Variants in SIAH1 observed in about 807,000 individuals in gnomAD.
The protein encoded by SIAH1 is E3 ubiquitin-protein ligase SIAH1.
Under a neutral mutation model 20.0 loss-of-function variants are expected in SIAH1, and 2 were observed. That is an observed-to-expected ratio of 0.10 (90% CI 0.04 to 0.31). SIAH1 has a LOEUF of 0.31. SIAH1 is among the 10% of genes least tolerant of loss of function. The pLI, the probability that SIAH1 is intolerant of heterozygous loss-of-function variation, is 1.00. For missense variants in SIAH1, 119 were observed against 355.3 expected (o/e 0.33, Z 5.35); for synonymous variants, 118 against 125.3 (o/e 0.94, Z 0.39).
intron 1 of SIAH1, among the ~76,000 whole-genome samples, chr16:48,380,561 T>C (rs1204847436): frequency 6.6e-6 from 1 of 151,630 alleles, no homozygotes; most frequent in Admixed American, 6.6e-5. Context: ...GATATACAGA[T>C]AACAACTAGC....
At chr16:48,382,392 A>G (rs754104281) in intron 1 of SIAH1, among the ~76,000 whole-genome samples, 3 of 152,106 alleles carry the variant, frequency 2.0e-5, no homozygotes, top group Non-Finnish European at 4.4e-5. Flanking sequence ...AAAAAAAAAT[A>G]AAAATAAAAA....
At position 48,360,637 on chromosome 16, in the gene SIAH1, T is replaced by C. The variant is rs1461131569; in HGVS notation, c.*943A>G. 1 of 152,688 alleles carries C rather than the reference T, an allele frequency of 6.5e-6. No individual in the cohort carries two copies. Among genetic ancestry groups the C allele is most frequent in the Non-Finnish European group, 1.5e-5 (1 of 68,044 alleles). 9.5% of individuals were successfully genotyped at this position (152,688 alleles called of 1,614,324 possible). A position where few individuals can be genotyped will look rare whatever the true frequency, so the allele number is the denominator to read the frequency against. On this transcript the variant is annotated 3_prime_UTR_variant, in exon 2 of 2. Transcript: ENST00000394725. ...ATGATTTGCTTTTAATTACAAATAC[T>C]GTGCATGACGATGCCTTCTTCTGCA...
chr16:48,372,216 T>C (rs1342316070), intron 1 of SIAH1, among the ~76,000 whole-genome samples: 5 of 152,206 alleles, frequency 3.3e-5, no homozygotes, highest in Non-Finnish European at 5.9e-5. Flanking sequence ...ATGGAATTTA[T>C]AGGAAAGAAA....
At chr16:48,364,240 A>G (rs1275364756) in intron 1 of SIAH1, among the ~76,000 whole-genome samples, 1 of 152,080 alleles carries the variant, frequency 6.6e-6, no homozygotes, top group Non-Finnish European at 1.5e-5. Context: ...GCGCCCGGCC[A>G]CTAATCCATA....
intron 1 of SIAH1, among the ~76,000 whole-genome samples, chr16:48,378,857 A>C (rs1961179936): frequency 6.6e-6 from 1 of 151,654 alleles, no homozygotes; most frequent in Non-Finnish European, 1.5e-5. Flanking sequence ...TCTAAGATGT[A>C]CTCCTTCCCC....
chr16:48,378,022 A>T (rs1484860568), intron 1 of SIAH1, among the ~76,000 whole-genome samples: 2 of 152,212 alleles, frequency 1.3e-5, no homozygotes, highest in Non-Finnish European at 2.9e-5. Context: ...ATCACACAAA[A>T]AAACATAATG....
chr16:48,372,643 A>C (rs775024505), intron 1 of SIAH1, among the ~76,000 whole-genome samples: 6 of 152,234 alleles, frequency 3.9e-5, no homozygotes, highest in Non-Finnish European at 8.8e-5. Flanking sequence ...ATTTGTGTGA[A>C]GCAAAGCCTA....
intron 1 of SIAH1, chr16:48,365,560 A>G (rs1323006139): frequency 2.6e-6 from 4 of 1,537,224 alleles, no homozygotes; most frequent in Non-Finnish European, 3.5e-6. Context: ...CTAAGCACAG[A>G]AGACCCAAAT....
chr16:48,363,523 T>A (rs1037754552), intron 1 of SIAH1: 1 of 167,030 alleles, frequency 6.0e-6, no homozygotes, highest in Non-Finnish European at 1.5e-5. Context: ...AGAAAGTATA[T>A]CTTTCTGTTC....
intron 1 of SIAH1, among the ~76,000 whole-genome samples, chr16:48,369,449 T>C (rs1960927902): frequency 6.6e-6 from 1 of 152,140 alleles, no homozygotes; most frequent in Non-Finnish European, 1.5e-5. Flanking sequence ...AGCTAAACAT[T>C]AGATATACAT....
At chr16:48,375,998 TACAGTAC>T (rs2151052334) in intron 1 of SIAH1, among the ~76,000 whole-genome samples, 1 of 152,262 alleles carries the variant, frequency 6.6e-6, no homozygotes, top group Non-Finnish European at 1.5e-5. Context: ...CGTTTGAAAT[TACAGTAC>T]ACAGTTCAAA....
In SIAH1 at chr16:48,365,335, A is replaced by G; in HGVS notation, c.-2-2905T>C. 1.9e-6 allele frequency: 3 copies of G among 1,602,998 alleles called. No homozygotes were observed. The Admixed American group carries it at 5.1e-5, about 27-fold the overall frequency. ...CTAAGCCAGGCAGGTTCCACTGACTAATAGCGTTCAAGTTTCACAGCCTCA... is the reference window on the plus strand; with the variant it reads ...CTAAGCCAGGCAGGTTCCACTGACTGATAGCGTTCAAGTTTCACAGCCTCA... On this transcript the variant is annotated intron_variant, in intron 1 of 1. Transcript: ENST00000394725.
At position 48,361,405 on chromosome 16, in the gene SIAH1, T is replaced by C; in HGVS notation, c.*175A>G. ...TTTACTGTTGACTTATTTTTAAATA[T>C]ATTAGTGTTACTACATGCAACTGTT... On this transcript the variant is annotated 3_prime_UTR_variant, in exon 2 of 2. Coordinates refer to ENST00000394725, the MANE Select transcript of SIAH1 (RefSeq NM_003031.4). The C allele has an allele frequency of 1.6e-6, 1 of 607,854 alleles. No individual in the cohort carries two copies. The highest frequency in any genetic ancestry group is 2.9e-6 in the Non-Finnish European group (1 of 347,632). 37.7% of individuals were successfully genotyped at this position (607,854 alleles called of 1,614,324 possible). A position where few individuals can be genotyped will look rare whatever the true frequency, so the allele number is the denominator to read the frequency against.
chr16:48,370,505 T>C (rs1424067636), intron 1 of SIAH1, among the ~76,000 whole-genome samples: 1 of 152,128 alleles, frequency 6.6e-6, no homozygotes. Context: ...AGTTAGACAT[T>C]TATCCCCACC....
Position 48,361,540 on chromosome 16 carries a change from G to T in SIAH1, c.*40C>A. 1 of 1,594,772 alleles carries T rather than the reference G, an allele frequency of 6.3e-7. No individual in the cohort carries two copies. Among genetic ancestry groups the T allele is most frequent in the Non-Finnish European group, 8.6e-7 (1 of 1,169,574 alleles). ...TGGGTGCCTTATTTTCTGTGAAACTGAAGTTTTAAACACTGGCCAGAAAAT... is the reference window on the plus strand; with the variant it reads ...TGGGTGCCTTATTTTCTGTGAAACTTAAGTTTTAAACACTGGCCAGAAAAT... On this transcript the variant is annotated 3_prime_UTR_variant, in exon 2 of 2. Transcript: ENST00000394725.
intron 1 of SIAH1, among the ~76,000 whole-genome samples, chr16:48,374,681 ATG>A (rs1301707300): frequency 1.3e-5 from 2 of 152,200 alleles, no homozygotes; most frequent in Non-Finnish European, 2.9e-5. Context: ...GCGGCAAGGA[ATG>A]TGAGGTAGCA....
chr16:48,372,628 A>ATT (rs1961013348), intron 1 of SIAH1, among the ~76,000 whole-genome samples: 1 of 152,210 alleles, frequency 6.6e-6, no homozygotes, highest in Non-Finnish European at 1.5e-5. Flanking sequence ...TAACATAAAT[A>ATT]ATTCATTTGT....
Position 48,361,280 on chromosome 16 carries a change from A to G in SIAH1, c.*300T>C, listed in dbSNP as rs1960580412. On this transcript the variant is annotated 3_prime_UTR_variant, in exon 2 of 2. Coordinates refer to ENST00000394725, the MANE Select transcript of SIAH1 (RefSeq NM_003031.4). Reference sequence around the variant, plus strand: ...ACAAACTTTTTCAACAATACAATCAATCTACAACAAACACAAAACTCAGAA... The same window carrying G: ...ACAAACTTTTTCAACAATACAATCAGTCTACAACAAACACAAAACTCAGAA... 2 of 316,058 alleles carry G rather than the reference A, an allele frequency of 6.3e-6. No homozygotes were observed. The highest frequency in any genetic ancestry group is 1.2e-5 in the Non-Finnish European group (2 of 165,382). The allele number at this position is 316,058 out of a possible 1,614,324, so 19.6% of individuals were successfully genotyped here.
At chr16:48,364,322 A>C (rs1209743089) in intron 1 of SIAH1, among the ~76,000 whole-genome samples, 1 of 152,196 alleles carries the variant, frequency 6.6e-6, no homozygotes, top group Non-Finnish European at 1.5e-5. Flanking sequence ...AACTTTTAAG[A>C]AGCAATGTTG....
Sources: allele counts gnomAD v4.1 joint callset (sites outside exome capture counted in the v4.1 genomes callset), GRCh38; gene constraint gnomAD v4.1.1; transcripts MANE v1.5; gene names NCBI Gene and HGNC (gene_info 2026-07-23, HGNC 2026-07-21).